TRIM9: variants seen among roughly 807,000 people sequenced by gnomAD.
The protein encoded by TRIM9 is E3 ubiquitin-protein ligase TRIM9.
In TRIM9, 26 loss-of-function variants were observed where a neutral mutation model predicts 78.3. The ratio of observed to expected loss-of-function variants is 0.33; its 90% confidence interval spans 0.24 to 0.46. The LOEUF is 0.46. TRIM9 is among the 20% of genes least tolerant of loss of function. The probability of loss-of-function intolerance (pLI) is 1.00; values close to 1 mark genes in which losing one functional copy is unlikely to be tolerated. For synonymous variants in TRIM9, 398 were observed against 416.5 expected (o/e 0.96, Z 0.54); for missense variants, 787 against 1,036.4 (o/e 0.76, Z 3.30).
intron 1 of TRIM9, among the ~76,000 whole-genome samples, chr14:51,067,551 T>G (rs190913363): frequency 1.2e-4 from 18 of 152,308 alleles, no homozygotes; most frequent in Admixed American, 1.1e-3. Context: ...TCTGACCTTA[T>G]CTCTTACCAT....
chr14:51,028,227 G>A (rs2058429057), intron 1 of TRIM9, among the ~76,000 whole-genome samples: 1 of 147,354 alleles, frequency 6.8e-6, no homozygotes, highest in African/African-American at 2.6e-5. Flanking sequence ...CCTTCTACCT[G>A]GCTGATGATT....
At chr14:51,005,802 C>T (rs185439836) in intron 5 of TRIM9, among the ~76,000 whole-genome samples, 30 of 152,168 alleles carry the variant, frequency 2.0e-4, no homozygotes, top group Admixed American at 5.2e-4. Flanking sequence ...AACCAGAAAA[C>T]GTGCCATTAC....
chr14:50,993,489 C>A (rs1253740887), intron 7 of TRIM9, among the ~76,000 whole-genome samples: 1 of 152,120 alleles, frequency 6.6e-6, no homozygotes, highest in African/African-American at 2.4e-5. Context: ...CTGCCTCAGC[C>A]TCCCAAGTAG....
intron 1 of TRIM9, among the ~76,000 whole-genome samples, chr14:51,088,783 G>A (rs1006799983): frequency 6.6e-6 from 1 of 152,054 alleles, no homozygotes; most frequent in Non-Finnish European, 1.5e-5. Flanking sequence ...TATGATTTCT[G>A]CTTCATTGAA....
Position 50,979,374 on chromosome 14 carries a change from GC to G in TRIM9, c.2325+12del, listed in dbSNP as rs766306759. 66 of 1,614,100 alleles carry G rather than the reference GC, an allele frequency of 4.1e-5. No homozygotes were observed. Among genetic ancestry groups the G allele is most frequent in the Non-Finnish European group, 5.4e-5 (64 of 1,180,042 alleles). On this transcript the variant is annotated intron_variant, in intron 12 of 12. Transcript: ENST00000684578. Reference sequence around the variant, plus strand: ...CAGCAACAGCTGTTTAACCTCAGGGGCAGGGTGCTTACCTGCACGTTCCTGT... The same window carrying G: ...CAGCAACAGCTGTTTAACCTCAGGGGAGGGTGCTTACCTGCACGTTCCTGT...
intron 5 of TRIM9, among the ~76,000 whole-genome samples, chr14:51,001,419 C>T (rs1410355028): frequency 2.6e-5 from 4 of 151,786 alleles, no homozygotes; most frequent in Admixed American, 1.3e-4. Context: ...TTAGTAGAGA[C>T]GGGGTTTCAC....
intron 2 of TRIM9, among the ~76,000 whole-genome samples, chr14:51,024,055 C>T (rs376396262): frequency 1.8e-4 from 28 of 152,176 alleles, no homozygotes; most frequent in African/African-American, 5.8e-4. Flanking sequence ...TTTTGGCTTT[C>T]ACGGCAATTG....
At chr14:51,063,392 AGGAAGGG>A (rs2061496784) in intron 1 of TRIM9, among the ~76,000 whole-genome samples, 1 of 152,164 alleles carries the variant, frequency 6.6e-6, no homozygotes, top group South Asian at 2.1e-4. Flanking sequence ...GAGTAGAACA[AGGAAGGG>A]AAAGCAAGAA....
At chr14:50,990,349 G>A (rs991734877) in intron 7 of TRIM9, among the ~76,000 whole-genome samples, 10 of 152,252 alleles carry the variant, frequency 6.6e-5, no homozygotes, top group Non-Finnish European at 1.5e-4. Context: ...ATTAGCCAAC[G>A]CTATTGAACA....
At chr14:50,998,217 C>G in intron 6 of TRIM9, 29 bp from the exon 7 acceptor site, 1 of 1,609,694 alleles carries the variant, frequency 6.2e-7, no homozygotes, top group African/African-American at 1.3e-5. Context: ...CAGGACAGCA[C>G]TTAGCCTGCC....
intron 3 of TRIM9, among the ~76,000 whole-genome samples, chr14:51,016,373 C>A (rs142271229): frequency 4.0e-5 from 6 of 151,866 alleles, no homozygotes; most frequent in African/African-American, 1.5e-4. Context: ...CTGTGAACTG[C>A]GCATGCAAGG....
intron 4 of TRIM9, 57 bp from the exon 5 acceptor site, chr14:51,009,290 A>G (rs1189521232): frequency 4.4e-6 from 7 of 1,600,210 alleles, no homozygotes; most frequent in Non-Finnish European, 6.0e-6. Flanking sequence ...TTGAAACACA[A>G]CACTGCCCCT....
At position 50,979,399 on chromosome 14, in the gene TRIM9, G is replaced by A. The variant is rs375053833; in HGVS notation, c.2313C>T (p.Asn771=). The change falls in exon 12 of 13, where the codon AAC becomes AAT. Residue 771 remains asparagine (N), a synonymous_variant. Coordinates refer to ENST00000684578, the MANE Select transcript of TRIM9 (RefSeq NM_001387360.1). ...EGLFFPAVSL[N]RNVQVTLHTG... is the part of the protein sequence containing the mutation. The stretch of plus-strand genomic sequence containing the variant: ...GCAGGGTGCTTACCTGCACGTTCCT[G>A]TTCAGGCTGACCGCAGGGAAGAAGA... The A allele has an allele frequency of 3.2e-5, 52 of 1,614,094 alleles. No homozygotes were observed. Among genetic ancestry groups the A allele is most frequent in the Non-Finnish European group, 4.2e-5 (49 of 1,180,050 alleles).
chr14:51,093,596 G>A (rs1365601933), intron 1 of TRIM9, among the ~76,000 whole-genome samples: 4 of 152,214 alleles, frequency 2.6e-5, no homozygotes, highest in Admixed American at 2.6e-4. Context: ...GGGCTCATCA[G>A]TATTCCGCCT....
At chr14:51,007,198 G>A (rs982388925) in intron 5 of TRIM9, among the ~76,000 whole-genome samples, 22 of 152,032 alleles carry the variant, frequency 1.4e-4, no homozygotes, top group African/African-American at 5.3e-4. Context: ...CCTTTCTATT[G>A]CTCTTTTGTG....
chr14:51,016,236 C>T (rs1468812422), intron 3 of TRIM9, among the ~76,000 whole-genome samples: 6 of 152,132 alleles, frequency 3.9e-5, no homozygotes, highest in Non-Finnish European at 5.9e-5. Flanking sequence ...GGTCCTCAAC[C>T]CCCGGGCCGT....
At chr14:50,997,647 C>T in intron 7 of TRIM9, 2 of 1,072,380 alleles carry the variant, frequency 1.9e-6, no homozygotes, top group South Asian at 3.4e-5. Flanking sequence ...CAAGCAAGTA[C>T]TACAGAGTAA....
intron 3 of TRIM9, among the ~76,000 whole-genome samples, chr14:51,011,868 C>T (rs1212103738): frequency 6.6e-6 from 1 of 152,096 alleles, no homozygotes; most frequent in East Asian, 1.9e-4. Flanking sequence ...CTTCCCTTTC[C>T]CCCAACTTAA....
At chr14:50,997,903 A>C (rs1319037707) in intron 7 of TRIM9, 147 bp downstream of exon 7, 1 of 1,474,602 alleles carries the variant, frequency 6.8e-7, no homozygotes, top group African/African-American at 1.4e-5. Context: ...TAAAGGCAGG[A>C]GAGGAACAGC....
Sources: allele counts gnomAD v4.1 joint callset (sites outside exome capture counted in the v4.1 genomes callset), GRCh38; gene constraint gnomAD v4.1.1; transcripts MANE v1.5; gene names NCBI Gene and HGNC (gene_info 2026-07-23, HGNC 2026-07-21).